TEX48: variants seen among roughly 807,000 people sequenced by gnomAD.
The protein encoded by TEX48 is testis expressed 48.
A neutral mutation model predicts 13.2 loss-of-function variants in TEX48; 10 were observed. The observed-to-expected ratio is 0.75, with a 90% CI of 0.47 to 1.28. The LOEUF (loss-of-function observed/expected upper bound fraction) is 1.28. Ranked by LOEUF, TEX48 falls within the 50% of genes most tolerant of loss-of-function variation. The pLI is 0.00. For missense variants in TEX48, 116 were observed against 139.4 expected (o/e 0.83, Z 0.84); for synonymous variants, 45 against 52.3 (o/e 0.86, Z 0.60).
chr9:114,681,610 A>T (rs2080487791), intron 1 of TEX48, among the ~76,000 whole-genome samples: 1 of 152,160 alleles, frequency 6.6e-6, no homozygotes, highest in South Asian at 2.1e-4. Flanking sequence ...ATAAATACAG[A>T]TGAAGGTTCT....
intron 1 of TEX48, 70 bp from the exon 2 acceptor site, chr9:114,671,897 T>A (rs1435437552): frequency 1.5e-6 from 1 of 678,306 alleles, no homozygotes; most frequent in African/African-American, 1.8e-5. Flanking sequence ...AGATAGGATC[T>A]AATGACAGCA....
At chr9:114,680,313 A>T (rs1828169296) in intron 1 of TEX48, among the ~76,000 whole-genome samples, 1 of 151,734 alleles carries the variant, frequency 6.6e-6, no homozygotes, top group Non-Finnish European at 1.5e-5. Flanking sequence ...TTTAGTAGAG[A>T]TGGGGTTTCC....
intron 1 of TEX48, among the ~76,000 whole-genome samples, chr9:114,678,941 A>C (rs1466946478): frequency 3.9e-5 from 6 of 152,062 alleles, no homozygotes; most frequent in Non-Finnish European, 5.9e-5. Context: ...CTATCTATGC[A>C]TAATATTTTT....
At chr9:114,668,080 G>A in intron 4 of TEX48, 126 bp downstream of exon 4, 1 of 1,234,344 alleles carries the variant, frequency 8.1e-7, no homozygotes. Flanking sequence ...GACTGGGGCT[G>A]CTTGATGGGA....
intron 1 of TEX48, among the ~76,000 whole-genome samples, chr9:114,677,436 C>T (rs1252466949): frequency 6.6e-6 from 1 of 152,130 alleles, no homozygotes; most frequent in African/African-American, 2.4e-5. Context: ...CACCATTTAG[C>T]AAATATCCTT....
intron 4 of TEX48, among the ~76,000 whole-genome samples, chr9:114,667,787 T>C (rs1282813015): frequency 1.3e-5 from 2 of 150,530 alleles, no homozygotes. Flanking sequence ...TAATCTCAGC[T>C]ACTCAGGAAG....
chr9:114,674,415 G>C (rs1216626741), intron 1 of TEX48, among the ~76,000 whole-genome samples: 1 of 151,966 alleles, frequency 6.6e-6, no homozygotes, highest in African/African-American at 2.4e-5. Context: ...TCAAGTCTTT[G>C]CTTCACCTTT....
intron 3 of TEX48, 22 bp downstream of exon 3, chr9:114,671,361 A>G (rs1405328135): frequency 2.0e-6 from 3 of 1,534,478 alleles, no homozygotes; most frequent in Non-Finnish European, 2.6e-6. Context: ...GGCCATGCAG[A>G]GTGTCCTTAT....
intron 3 of TEX48, among the ~76,000 whole-genome samples, chr9:114,668,904 A>C (rs1188258171): frequency 6.6e-6 from 1 of 151,628 alleles, no homozygotes; most frequent in African/African-American, 2.4e-5. Flanking sequence ...TGGTGTGATC[A>C]TAGCTCCCTG....
In TEX48 at chr9:114,671,801, G is replaced by A; in HGVS notation, c.-78C>T. 1 of 1,494,980 alleles carries A rather than the reference G, an allele frequency of 6.7e-7. No homozygotes were observed. Among genetic ancestry groups the A allele is most frequent in the South Asian group, 1.2e-5 (1 of 83,216 alleles). The allele number at this position is 1,494,980 out of a possible 1,614,324, so 92.6% of individuals were successfully genotyped here. On this transcript the variant is annotated 5_prime_UTR_variant, in exon 2 of 5. Coordinates refer to ENST00000436752, the MANE Select transcript of TEX48 (RefSeq NM_001199233.2). ...TTGAATCAGCCAGTCTTGAGTTTGA[G>A]CCCAGTTCACTGGGCTGGGCTGTTT... is the stretch of plus-strand genomic sequence containing the variant.
chr9:114,667,905 C>CAAAAAAAA (rs1176250476), intron 4 of TEX48, among the ~76,000 whole-genome samples: 4 of 60,496 alleles, frequency 6.6e-5, no homozygotes, highest in Admixed American at 2.2e-4. Flanking sequence ...GACTCCATCT[C>CAAAAAAAA]AAAAAAAAAA....
At chr9:114,679,416 A>G (rs192134188) in intron 1 of TEX48, among the ~76,000 whole-genome samples, 3 of 152,032 alleles carry the variant, frequency 2.0e-5, no homozygotes, top group Admixed American at 2.0e-4. Flanking sequence ...AGAAGAACTA[A>G]TGTTCCATGT....
At chr9:114,669,011 A>AT (rs968240451) in intron 3 of TEX48, among the ~76,000 whole-genome samples, 9 of 150,844 alleles carry the variant, frequency 6.0e-5, no homozygotes, top group Non-Finnish European at 8.9e-5. Context: ...TAATTTTTAA[A>AT]TTTTTTTTTG....
Position 114,666,865 on chromosome 9 carries a change from A to T in TEX48, c.260-119T>A, listed in dbSNP as rs1448757141. ...TCCTCAGCTTCTTGAATCTCAAGGG[A>T]CCCAAGGCAGACCCTAGTCTAGGAC... On this transcript the variant is annotated intron_variant, in intron 4 of 4. Transcript: ENST00000436752. The T allele has an allele frequency of 5.9e-5, 36 of 614,276 alleles. 1 individual carries two copies. The East Asian group carries it at 6.7e-4, about 12-fold the overall frequency. 38.1% of individuals were successfully genotyped at this position (614,276 alleles called of 1,614,324 possible). A position where few individuals can be genotyped will look rare whatever the true frequency, so the allele number is the denominator to read the frequency against.
chr9:114,668,436 G>A, intron 3 of TEX48, 99 bp from the exon 4 acceptor site: 4 of 1,076,910 alleles, frequency 3.7e-6, no homozygotes, highest in African/African-American at 1.6e-5. Flanking sequence ...ACACAGGCAA[G>A]TGGGGGTTAT....
intron 1 of TEX48, among the ~76,000 whole-genome samples, chr9:114,679,455 C>T (rs1166796138): frequency 1.3e-5 from 2 of 152,010 alleles, no homozygotes; most frequent in Admixed American, 6.6e-5. Flanking sequence ...TATCTGTCTA[C>T]TGAGTCTTTC....
rs182096126 is a variant in TEX48, at chr9:114,681,646, G to A, written c.-105+389C>T. Among the ~76,000 whole-genome samples, 37 of 152,278 alleles carry A rather than the reference G, an allele frequency of 2.4e-4. No individual in the cohort carries two copies. The East Asian group carries it at 6.0e-3, about 25-fold the overall frequency. ...GATGCTGATGAATATGTAGGGAGAT[G>A]CCTAGGGGATGTGTGGCACTTCTTG... is the stretch of plus-strand genomic sequence containing the variant. On this transcript the variant is annotated intron_variant, in intron 1 of 4. Coordinates refer to ENST00000436752, the MANE Select transcript of TEX48 (RefSeq NM_001199233.2).
chr9:114,671,263 T>A (rs1827940581), intron 3 of TEX48, 120 bp downstream of exon 3: 2 of 1,214,326 alleles, frequency 1.6e-6, no homozygotes, highest in South Asian at 3.1e-5. Flanking sequence ...CACCTCATTT[T>A]AAATTGGAAT....
intron 1 of TEX48, among the ~76,000 whole-genome samples, chr9:114,673,353 C>T (rs534850389): frequency 1.3e-4 from 20 of 151,930 alleles, no homozygotes; most frequent in African/African-American, 4.3e-4. Flanking sequence ...TGCCTGTAAT[C>T]CCAGCTACTC....
Sources: gnomAD v4.1 joint callset for allele counts (sites outside exome capture counted in the v4.1 genomes callset) on GRCh38, gnomAD v4.1.1 for gene constraint, MANE v1.5 for transcripts, NCBI Gene and HGNC (gene_info 2026-07-23, HGNC 2026-07-21) for gene names.